The following CGGBP1 variants were observed in gnomAD, a reference collection of about 807,000 sequenced individuals.
The protein encoded by CGGBP1 is CGG triplet repeat-binding protein 1.
CGGBP1 carries 4 observed loss-of-function variants against 11.4 expected under a neutral mutation model. The observed-to-expected ratio is 0.35, with a 90% confidence interval of 0.17 to 0.80. CGGBP1 has a LOEUF of 0.80. Ranked by LOEUF, CGGBP1 falls within the 30% of genes least tolerant of loss-of-function variation. The pLI, the probability that CGGBP1 is intolerant of heterozygous loss-of-function variation, is 0.52. For missense variants in CGGBP1, 135 were observed against 202.1 expected, an observed-to-expected ratio of 0.67 and a Z score of 2.01; for synonymous variants, 76 against 74.1, an observed-to-expected ratio of 1.03 and a Z score of -0.13.
chr3:88,082,121 G>A (rs1708108345), intron 2 of CGGBP1, among the ~76,000 whole-genome samples: 1 of 151,158 alleles, frequency 6.6e-6, no homozygotes, highest in South Asian at 2.1e-4. Flanking sequence ...CTTCTGGTTT[G>A]TTAATCAATT....
intron 2 of CGGBP1, among the ~76,000 whole-genome samples, chr3:88,088,981 C>T (rs1708492744): frequency 6.6e-6 from 1 of 151,838 alleles, no homozygotes; most frequent in Middle Eastern, 3.4e-3. Flanking sequence ...CCATGTTGGC[C>T]AGGCTGGTTT....
chr3:88,084,361 G>A (rs371543308), intron 2 of CGGBP1, among the ~76,000 whole-genome samples: 1 of 152,172 alleles, frequency 6.6e-6, no homozygotes, highest in African/African-American at 2.4e-5. Flanking sequence ...ATGTGGCACC[G>A]GAGTAGGGGT....
At chr3:88,072,529 T>G (rs1350740319) in intron 2 of CGGBP1, among the ~76,000 whole-genome samples, 1 of 152,174 alleles carries the variant, frequency 6.6e-6, no homozygotes. Flanking sequence ...TGGCTTTTGT[T>G]TTGTCTGCCA....
chr3:88,123,494 TC>T (rs35154010), intron 2 of CGGBP1, among the ~76,000 whole-genome samples: 1 of 152,190 alleles, frequency 6.6e-6, no homozygotes, highest in Non-Finnish European at 1.5e-5. Flanking sequence ...ATTAAAAGTG[TC>T]CCATAGTTGC....
intron 2 of CGGBP1, among the ~76,000 whole-genome samples, chr3:88,116,722 C>T (rs1386860591): frequency 6.6e-6 from 1 of 151,984 alleles, no homozygotes; most frequent in Non-Finnish European, 1.5e-5. Context: ...CCCCATTACC[C>T]AGAGGTAAGA....
chr3:88,137,428 T>C (rs540768220), intron 2 of CGGBP1, among the ~76,000 whole-genome samples: 2 of 152,274 alleles, frequency 1.3e-5, no homozygotes, highest in African/African-American at 2.4e-5. Context: ...TTTTCACTCA[T>C]TCTGCAAACA....
chr3:88,111,073 A>AAC (rs1705062895), intron 2 of CGGBP1, among the ~76,000 whole-genome samples: 1 of 152,038 alleles, frequency 6.6e-6, no homozygotes, highest in Non-Finnish European at 1.5e-5. Context: ...TAGGAAGATA[A>AAC]TAACTGCTGT....
chr3:88,074,879 CAGTT>C (rs1288495213), intron 2 of CGGBP1, among the ~76,000 whole-genome samples: 3 of 152,102 alleles, frequency 2.0e-5, no homozygotes, highest in Non-Finnish European at 2.9e-5. Flanking sequence ...ACCAGTGTGC[CAGTT>C]AGTTGTGCCA....
chr3:88,129,496 G>A (rs1365877327), intron 2 of CGGBP1, among the ~76,000 whole-genome samples: 1 of 152,072 alleles, frequency 6.6e-6, no homozygotes, highest in Non-Finnish European at 1.5e-5. Flanking sequence ...ATTAAAAGTA[G>A]TCATTGTAAA....
Position 88,055,820 on chromosome 3 carries a change from C to G in CGGBP1, c.157G>C (p.Val53Leu), listed in dbSNP as rs1706529371. 6.2e-7 allele frequency: 1 copy of G among 1,614,104 alleles called. No homozygotes were observed. The highest frequency in any genetic ancestry group is 1.3e-5 in the African/African-American group (1 of 74,934). ...TGGTCACTAATGGCAGACTTGCGAA[C>G]ATGATTCAGAACCACATTGCAAGAA... ...CTSCNVVLNH[V>L]RKSAISDHLK... The change falls in exon 4 of 4, where the codon GTT becomes CTT. Residue 53 changes from valine to leucine, a missense_variant. Transcript: ENST00000482016. This position sits in a 1 kb window ranked among gnomAD's most constrained non-coding sequence, Gnocchi z 4.2.
At chr3:88,076,720 A>C (rs1707824378) in intron 2 of CGGBP1, among the ~76,000 whole-genome samples, 1 of 152,224 alleles carries the variant, frequency 6.6e-6, no homozygotes, top group South Asian at 2.1e-4. Context: ...TCCATGCACC[A>C]ATTTTAATAT....
At chr3:88,090,581 T>A (rs1477104543) in intron 2 of CGGBP1, among the ~76,000 whole-genome samples, 1 of 152,198 alleles carries the variant, frequency 6.6e-6, no homozygotes, top group Non-Finnish European at 1.5e-5. Flanking sequence ...AAAATTTTTA[T>A]AAGTGCGGTA....
At chr3:88,109,344 A>G (rs2107750604) in intron 2 of CGGBP1, among the ~76,000 whole-genome samples, 1 of 152,250 alleles carries the variant, frequency 6.6e-6, no homozygotes, top group South Asian at 2.1e-4. Context: ...AAGATACCAA[A>G]CCTTCAGTTA....
chr3:88,124,969 ACTTT>A (rs1706002010), intron 2 of CGGBP1, among the ~76,000 whole-genome samples: 2 of 152,142 alleles, frequency 1.3e-5, no homozygotes, highest in Admixed American at 6.5e-5. Context: ...TAATCCCAGC[ACTTT>A]GGGAGGCCGA....
intron 2 of CGGBP1, among the ~76,000 whole-genome samples, chr3:88,138,370 A>G (rs1471209783): frequency 1.3e-5 from 2 of 152,144 alleles, no homozygotes; most frequent in East Asian, 1.9e-4. Flanking sequence ...TGTACCTACA[A>G]TAATAAATGG....
chr3:88,097,075 A>G (rs1338172814), intron 2 of CGGBP1, among the ~76,000 whole-genome samples: 1 of 152,106 alleles, frequency 6.6e-6, no homozygotes, highest in Admixed American at 6.6e-5. Context: ...GCCCCTTACT[A>G]ATGGATAGTT....
upstream of CGGBP1, among the ~76,000 whole-genome samples, chr3:88,061,697 G>A (rs1301331260): frequency 1.3e-5 from 2 of 152,032 alleles, no homozygotes; most frequent in Admixed American, 6.6e-5. Flanking sequence ...TGCTTCATTC[G>A]TCAGTAAGGG....
intron 1 of CGGBP1, among the ~76,000 whole-genome samples, chr3:88,145,263 T>C (rs981332874): frequency 9.2e-5 from 14 of 151,998 alleles, no homozygotes; most frequent in African/African-American, 3.4e-4. Flanking sequence ...TAACTTGCAA[T>C]TGGAAAAAAT....
intron 2 of CGGBP1, among the ~76,000 whole-genome samples, chr3:88,117,032 G>A (rs1576312757): frequency 6.6e-6 from 1 of 152,098 alleles, no homozygotes; most frequent in Non-Finnish European, 1.5e-5. Context: ...TGCTGAGGTT[G>A]AGTTTATAAT....
Sources: gnomAD v4.1 joint callset for allele counts (sites outside exome capture counted in the v4.1 genomes callset) on GRCh38, gnomAD v4.1.1 for gene constraint, Gnocchi (gnomAD v3.1) non-coding constraint, MANE v1.5 for transcripts, NCBI Gene and HGNC (gene_info 2026-07-23, HGNC 2026-07-21) for gene names.